The following MTG2 variants were observed in gnomAD, a reference collection of about 807,000 sequenced individuals.
MTG2 encodes the protein mitochondrial ribosome-associated GTPase 2.
MTG2 carries 23 observed loss-of-function variants against 28.6 expected under a neutral mutation model. The ratio of observed to expected loss-of-function variants is 0.80; its 90% confidence interval spans 0.58 to 1.14. The LOEUF (loss-of-function observed/expected upper bound fraction) is 1.14. Among genes scored for constraint, MTG2 ranks in the 50% most tolerant of loss-of-function variants. The pLI is 0.00. For missense variants in MTG2, 539 were observed against 552.0 expected (o/e 0.98, Z 0.24); for synonymous variants, 260 against 251.8 (o/e 1.03, Z -0.31).
At chr20:62,196,055 G>A in intron 3 of MTG2, 106 bp downstream of exon 3, 3 of 1,396,414 alleles carry the variant, frequency 2.1e-6, no homozygotes, top group Non-Finnish European at 2.9e-6. Flanking sequence ...GCTTATGCCT[G>A]TGATCCCAGC....
intron 3 of MTG2, among the ~76,000 whole-genome samples, chr20:62,196,167 G>C (rs6062135): frequency 6.9e-6 from 1 of 145,912 alleles, no homozygotes; most frequent in Admixed American, 6.7e-5. Context: ...TTGTTTTTTT[G>C]TTTTTTTTTT....
At chr20:62,196,174 T>TG (rs2058055026) in intron 3 of MTG2, among the ~76,000 whole-genome samples, 2 of 151,576 alleles carry the variant, frequency 1.3e-5, no homozygotes. Flanking sequence ...TTTGTTTTTT[T>TG]TTTTTTGCCT....
intron 1 of MTG2, among the ~76,000 whole-genome samples, chr20:62,192,116 C>T (rs755512301): frequency 1.3e-5 from 2 of 152,214 alleles, no homozygotes; most frequent in South Asian, 2.1e-4. Flanking sequence ...CTGACCCTGC[C>T]GCGGTTATCA....
At chr20:62,192,404 C>T (rs542034423) in intron 1 of MTG2, among the ~76,000 whole-genome samples, 2 of 152,328 alleles carry the variant, frequency 1.3e-5, no homozygotes, top group African/African-American at 2.4e-5. Context: ...GCATAGGAGC[C>T]TTTGTCCCCA....
At chr20:62,188,056 G>A (rs1230396274) in intron 1 of MTG2, among the ~76,000 whole-genome samples, 4 of 150,878 alleles carry the variant, frequency 2.7e-5, no homozygotes, top group Non-Finnish European at 3.0e-5. Flanking sequence ...GCGTGAACCC[G>A]GGAGGCAGAA....
At chr20:62,196,413 C>T (rs960624703) in intron 3 of MTG2, among the ~76,000 whole-genome samples, 1 of 151,924 alleles carries the variant, frequency 6.6e-6, no homozygotes, top group African/African-American at 2.4e-5. Flanking sequence ...TGGCTCATGC[C>T]TGTAATCCCA....
At chr20:62,191,845 G>A (rs1055376709) in intron 1 of MTG2, among the ~76,000 whole-genome samples, 2 of 152,198 alleles carry the variant, frequency 1.3e-5, no homozygotes. Context: ...TGGAGGGCAG[G>A]GTCAGGACTT....
Position 62,199,176 on chromosome 20 carries a change from C to T in MTG2, c.745C>T (p.Pro249Ser). The T allele has an allele frequency of 1.2e-6, 2 of 1,614,208 alleles. No individual in the cohort carries two copies. The highest frequency in any genetic ancestry group is 1.7e-6 in the Non-Finnish European group (2 of 1,180,036). ...GCTCCGGGCCATTTCAAACGCCAGA[C>T]CCGCCGTGGCTTCCTACCCGTTCAC... ...SLLRAISNAR[P>S]AVASYPFTTL... Residue 249 changes from proline to serine, a missense_variant, in exon 6 of 7, where the codon CCC becomes TCC. By Grantham distance (74) the Pro-to-Ser change is moderately conservative. Transcript: ENST00000370823.
chr20:62,200,896 T>TTGA lies in MTG2; in HGVS notation c.1041_1043dup (p.Asp348dup). ...CCCCACGCAATCGTCGCAAACAAGA[T>TTGA]TGACCTCCCTGAAGCCCAAGCCAAT... On this transcript the variant is annotated inframe_insertion, in exon 7 of 7. Transcript: ENST00000370823. 6.2e-7 allele frequency: 1 copy of TTGA among 1,613,992 alleles called. No individual in the cohort carries two copies. The highest frequency in any genetic ancestry group is 1.1e-5 in the South Asian group (1 of 91,092).
chr20:62,196,968 G>A (rs187517404), intron 3 of MTG2, among the ~76,000 whole-genome samples: 20 of 152,212 alleles, frequency 1.3e-4, no homozygotes, highest in African/African-American at 4.3e-4. Flanking sequence ...GGAGGCAGAG[G>A]TTGCGGTGAG....
chr20:62,199,390 A>G, intron 6 of MTG2, 133 bp downstream of exon 6: 1 of 1,157,084 alleles, frequency 8.6e-7, no homozygotes, highest in Non-Finnish European at 1.2e-6. Flanking sequence ...TCACACCTGT[A>G]ACCCCAGCAC....
In MTG2 at chr20:62,198,699, T is replaced by C. The variant is rs113849523; in HGVS notation, c.534T>C (p.Asp178=). The change falls in exon 5 of 7, where the codon GAT becomes GAC. Residue 178 remains aspartate, a synonymous_variant. Coordinates refer to ENST00000370823, the MANE Select transcript of MTG2 (RefSeq NM_015666.4). ...RVVADLSCVG[D]EYIAALGGAG... is the part of the protein sequence containing the mutation. Reference sequence around the variant, plus strand: ...TGGCCGACCTGTCTTGCGTGGGAGATGAGTACATTGCCGCGCTGGGCGGGG... The same window carrying C: ...TGGCCGACCTGTCTTGCGTGGGAGACGAGTACATTGCCGCGCTGGGCGGGG... The C allele has an allele frequency of 1.9e-6, 3 of 1,614,094 alleles. No homozygotes were observed. The highest frequency in any genetic ancestry group is 2.7e-5 in the African/African-American group (2 of 75,048).
At chr20:62,194,146 C>T (rs1265282642) in intron 2 of MTG2, 1 of 151,504 alleles carries the variant, frequency 6.6e-6, no homozygotes, top group Non-Finnish European at 1.5e-5. Flanking sequence ...GGGAATATAC[C>T]TTCCGTTTTA....
chr20:62,199,020 C>A, intron 5 of MTG2, 99 bp from the exon 6 acceptor site: 1 of 1,577,014 alleles, frequency 6.3e-7, no homozygotes, highest in East Asian at 2.3e-5. Flanking sequence ...GTGACTCCCC[C>A]AGCCCTGAAA....
intron 6 of MTG2, 51 bp downstream of exon 6, chr20:62,199,308 GA>G (rs747878205): frequency 6.3e-7 from 1 of 1,574,832 alleles, no homozygotes; most frequent in Admixed American, 1.8e-5. Context: ...ATGTAATTCA[GA>G]AAAGTAATGA....
rs759248573 is a variant in MTG2 at position 62,198,869 on chromosome 20, C to T, written c.687+17C>T. ...GCCGGAATGGTAGGTGTCCCCACTG[C>T]CAACAGCATCTGCACACACTCAGCT... On this transcript the variant is annotated intron_variant, in intron 5 of 6. Transcript: ENST00000370823. 6.2e-6 allele frequency: 10 copies of T among 1,613,284 alleles called. No individual in the cohort carries two copies. Among genetic ancestry groups the T allele is most frequent in the Middle Eastern group, 3.3e-4 (2 of 6,084 alleles).
chr20:62,198,927 C>T, intron 5 of MTG2, 75 bp downstream of exon 5: 3 of 1,587,014 alleles, frequency 1.9e-6, no homozygotes, highest in Admixed American at 1.7e-5. Context: ...TGGGGATTTG[C>T]CAGTGGCCTG....
At chr20:62,189,551 C>T (rs1205278537) in intron 1 of MTG2, among the ~76,000 whole-genome samples, 2 of 151,958 alleles carry the variant, frequency 1.3e-5, no homozygotes, top group African/African-American at 2.4e-5. Flanking sequence ...GAGATCTTCC[C>T]GCCTTGGCCT....
At chr20:62,193,288 T>C in intron 1 of MTG2, 128 bp from the exon 2 acceptor site, 1 of 912,598 alleles carries the variant, frequency 1.1e-6, no homozygotes, top group Admixed American at 2.2e-5. Context: ...GAAAATCGGA[T>C]TCATCAGTTC....
Sources: gnomAD v4.1 joint callset for allele counts (sites outside exome capture counted in the v4.1 genomes callset) on GRCh38, gnomAD v4.1.1 for gene constraint, MANE v1.5 for transcripts, NCBI Gene and HGNC (gene_info 2026-07-23, HGNC 2026-07-21) for gene names.